Variants in PRKAR1A observed in about 807,000 individuals in gnomAD.
PRKAR1A encodes the protein protein kinase cAMP-dependent type I regulatory subunit alpha, also known as cAMP-dependent protein kinase type I-alpha regulatory subunit.
Under a neutral mutation model 52.0 loss-of-function variants are expected in PRKAR1A, and 3 were observed. The observed-to-expected ratio is 0.06, with a 90% confidence interval of 0.03 to 0.15. The LOEUF is 0.15. PRKAR1A is among the 10% of genes least tolerant of loss of function. PRKAR1A has a pLI of 1.00. For missense variants in PRKAR1A, 240 were observed against 477.4 expected, an observed-to-expected ratio of 0.50 and a Z score of 4.63; for synonymous variants, 188 against 168.4, an observed-to-expected ratio of 1.12 and a Z score of -0.90.
chr17:68,457,768 G>A, the PRKAR1A span, among the ~76,000 whole-genome samples: 1 of 152,070 alleles, frequency 6.6e-6, no homozygotes, highest in African/African-American at 2.4e-5. Context: ...GGGCGGACCC[G>A]CCCGGCTGGC....
At chr17:68,498,189 C>A in the PRKAR1A span, among the ~76,000 whole-genome samples, 2 of 152,084 alleles carry the variant, frequency 1.3e-5, no homozygotes, top group South Asian at 2.1e-4. Flanking sequence ...CTTTTCTCTC[C>A]GTAACGACCA....
At chr17:68,508,426 C>T (rs2085224050), upstream of PRKAR1A, among the ~76,000 whole-genome samples, 1 of 152,178 alleles carries the variant, frequency 6.6e-6, no homozygotes, top group Admixed American at 6.5e-5. Context: ...CATATTAACA[C>T]AGGAATAGAA....
the PRKAR1A span, chr17:68,435,630 G>A: frequency 1.9e-5 from 31 of 1,614,062 alleles, no homozygotes; most frequent in Non-Finnish European, 5.9e-6. Flanking sequence ...TTTTTCAGAC[G>A]CACTTGCTAG....
the PRKAR1A span, chr17:68,450,998 T>C: frequency 6.8e-7 from 1 of 1,461,152 alleles, no homozygotes; most frequent in Non-Finnish European, 9.1e-7. Flanking sequence ...GTTCCAAAGG[T>C]TCTCCGGGTC....
downstream of PRKAR1A, among the ~76,000 whole-genome samples, chr17:68,534,320 TAATCTC>T (rs889287794): frequency 5.3e-5 from 8 of 152,234 alleles, no homozygotes; most frequent in African/African-American, 1.9e-4. Context: ...TAATCTTCGT[TAATCTC>T]AAATGAGTTA....
chr17:68,433,659 A>T, the PRKAR1A span: 13 of 1,120,052 alleles, frequency 1.2e-5, no homozygotes, highest in Non-Finnish European at 1.6e-5. Context: ...TTTATAAGAA[A>T]ATCAGATGTA....
chr17:68,516,100 T>C (rs4281788), intron 2 of PRKAR1A, among the ~76,000 whole-genome samples: 34,338 of 152,054 alleles, frequency 0.23, 3,929 homozygotes, highest in South Asian at 0.26. Flanking sequence ...TGTAGAGATA[T>C]TGATATTGAT....
At chr17:68,427,165 G>A in the PRKAR1A span, 1 of 1,614,128 alleles carries the variant, frequency 6.2e-7, no homozygotes, top group Non-Finnish European at 8.5e-7. Context: ...GATGCACTTG[G>A]TCTGGCTACG....
At chr17:68,461,255 T>C in the PRKAR1A span, among the ~76,000 whole-genome samples, 1 of 152,196 alleles carries the variant, frequency 6.6e-6, no homozygotes, top group African/African-American at 2.4e-5. This position sits in a 1 kb window ranked among gnomAD's most constrained non-coding sequence, Gnocchi z 4.6. Flanking sequence ...CGTAAGTAAC[T>C]AGTAAGTTAC....
At chr17:68,505,209 G>T in the PRKAR1A span, among the ~76,000 whole-genome samples, 1 of 152,146 alleles carries the variant, frequency 6.6e-6, no homozygotes, top group Admixed American at 6.5e-5. Flanking sequence ...GAGGTGGGAG[G>T]ATGGCTTGAG....
the PRKAR1A span, among the ~76,000 whole-genome samples, chr17:68,478,102 T>A: frequency 6.6e-6 from 1 of 152,198 alleles, no homozygotes; most frequent in African/African-American, 2.4e-5. Flanking sequence ...CCAAAATATC[T>A]ATTATGTTTT....
the PRKAR1A span, among the ~76,000 whole-genome samples, chr17:68,486,513 CTT>C: frequency 1.9e-4 from 11 of 57,348 alleles, 1 homozygote; most frequent in East Asian, 4.1e-4. Flanking sequence ...TTCCTTCTTT[CTT>C]TCTTTCTTTC....
At chr17:68,510,856 A>G (rs2085254586), upstream of PRKAR1A, among the ~76,000 whole-genome samples, 1 of 152,114 alleles carries the variant, frequency 6.6e-6, no homozygotes, top group African/African-American at 2.4e-5. Flanking sequence ...AACTAAATAA[A>G]TCATCTGATG....
intron 11 of PRKAR1A, among the ~76,000 whole-genome samples, chr17:68,546,516 C>T (rs987464882): frequency 6.6e-6 from 1 of 152,038 alleles, no homozygotes; most frequent in Non-Finnish European, 1.5e-5. Context: ...CAGCTATAGC[C>T]TTATGAAATG....
intron 8 of PRKAR1A, chr17:68,528,639 A>G (rs1403178585): frequency 3.5e-6 from 2 of 572,196 alleles, no homozygotes; most frequent in Non-Finnish European, 6.2e-6. Context: ...AGTTGGTATA[A>G]ATTAACCTAG....
the PRKAR1A span, among the ~76,000 whole-genome samples, chr17:68,416,311 T>C: frequency 6.6e-6 from 1 of 152,214 alleles, no homozygotes; most frequent in African/African-American, 2.4e-5. Context: ...TCTTGGCTGA[T>C]AATTGTTTTG....
the PRKAR1A span, among the ~76,000 whole-genome samples, chr17:68,432,782 G>A: frequency 6.6e-6 from 1 of 152,086 alleles, no homozygotes; most frequent in East Asian, 1.9e-4. Context: ...CGTTTTCAAA[G>A]CGCTCTTTCT....
At chr17:68,511,349 T>C (rs139386157), upstream of PRKAR1A, among the ~76,000 whole-genome samples, 722 of 152,328 alleles carry the variant, frequency 4.7e-3, 3 homozygotes, top group African/African-American at 0.016. Flanking sequence ...TCTAAAATTG[T>C]ACCGTCTCCC....
At position 68,540,828 on chromosome 17, in the gene PRKAR1A, G is replaced by A. The variant is rs760304014; in HGVS notation, c.974-10256G>A. 5 of 1,578,954 alleles carry A rather than the reference G, an allele frequency of 3.2e-6. No individual in the cohort carries two copies. The East Asian group carries it at 6.9e-5, about 22-fold the overall frequency. On this transcript the variant is annotated intron_variant, in intron 11 of 11. Transcript: ENST00000585981. ...CATAGCAGAGCCCACTTCTGCTGGG[G>A]GCCTGCGTGTGGGGACCTACCTATC...
Sources: gnomAD v4.1 joint callset for allele counts (sites outside exome capture counted in the v4.1 genomes callset) on GRCh38, gnomAD v4.1.1 for gene constraint, Gnocchi (gnomAD v3.1) non-coding constraint, MANE v1.5 for transcripts, NCBI Gene and HGNC (gene_info 2026-07-23, HGNC 2026-07-21) for gene names.